Variants in BCL2 observed in about 807,000 individuals in gnomAD.
The protein encoded by BCL2 is apoptosis regulator Bcl-2.
A neutral mutation model predicts 14.2 loss-of-function variants in BCL2; 1 was observed. The observed-to-expected ratio is 0.07, with a 90% confidence interval of 0.02 to 0.33. The LOEUF (loss-of-function observed/expected upper bound fraction) is 0.33, where lower values mean the gene tolerates loss of function less well. Among genes scored for constraint, BCL2 ranks in the 10% least tolerant of loss-of-function variants. The pLI is 0.99. For synonymous variants in BCL2, 151 were observed against 137.2 expected (o/e 1.10, Z -0.70); for missense variants, 247 against 305.9 (o/e 0.81, Z 1.44).
In BCL2 at chr18:63,172,785, AC is replaced by A. The variant is rs1178451376; in HGVS notation, c.586-44027del. Among the ~76,000 whole-genome samples, 2 of 152,186 alleles carry A rather than the reference AC, an allele frequency of 1.3e-5. 1 individual carries two copies. The highest frequency in any genetic ancestry group is 1.3e-4 in the Admixed American group (2 of 15,286). ...GACAGAGGAAGACTGTGTCTCAAAA[AC>A]AAAAAACAAAAAACAAAAACAGTGA... is the stretch of plus-strand genomic sequence containing the variant. On this transcript the variant is annotated intron_variant, in intron 2 of 2. Coordinates refer to ENST00000333681, the MANE Select transcript of BCL2 (RefSeq NM_000633.3).
chr18:63,170,250 A>C (rs144310376), intron 2 of BCL2, among the ~76,000 whole-genome samples: 1 of 152,244 alleles, frequency 6.6e-6, no homozygotes, highest in Non-Finnish European at 1.5e-5. Flanking sequence ...GGTAAGTGTG[A>C]GCTCTCATAC....
intron 2 of BCL2, among the ~76,000 whole-genome samples, chr18:63,277,763 C>T (rs1285153498): frequency 2.0e-5 from 3 of 152,062 alleles, no homozygotes; most frequent in Admixed American, 2.0e-4. Context: ...CTCATGCCCA[C>T]CCTTTGCTAG....
chr18:63,250,141 G>A (rs1911269089), intron 2 of BCL2, among the ~76,000 whole-genome samples: 1 of 152,142 alleles, frequency 6.6e-6, no homozygotes, highest in Admixed American at 6.5e-5. Context: ...CGACAAGGAG[G>A]CCCTCAATAA....
intron 2 of BCL2, among the ~76,000 whole-genome samples, chr18:63,289,947 T>A (rs1912599421): frequency 6.6e-6 from 1 of 152,016 alleles, no homozygotes; most frequent in Non-Finnish European, 1.5e-5. Flanking sequence ...AAGTATAAGA[T>A]AAACTGGAGT....
At chr18:63,317,733 A>T in intron 2 of BCL2, 1 of 1,129,530 alleles carries the variant, frequency 8.9e-7, no homozygotes, top group East Asian at 4.7e-5. Flanking sequence ...GGTTCCAACA[A>T]GCTGCTCAAG....
chr18:63,293,380 A>T (rs1369418398), intron 2 of BCL2, among the ~76,000 whole-genome samples: 3 of 152,240 alleles, frequency 2.0e-5, no homozygotes, highest in East Asian at 3.8e-4. Flanking sequence ...AATTTTCAGC[A>T]TAGGAAAATC....
At chr18:63,265,481 T>C (rs1014205132) in intron 2 of BCL2, among the ~76,000 whole-genome samples, 1 of 152,132 alleles carries the variant, frequency 6.6e-6, no homozygotes, top group African/African-American at 2.4e-5. Flanking sequence ...GTTGGTTTTC[T>C]CAGCGATTAC....
intron 2 of BCL2, among the ~76,000 whole-genome samples, chr18:63,131,723 C>A (rs572154451): frequency 6.6e-6 from 1 of 152,284 alleles, no homozygotes; most frequent in South Asian, 2.1e-4. Context: ...GGTCAGTGGC[C>A]GGGCTCTGAA....
intron 2 of BCL2, among the ~76,000 whole-genome samples, chr18:63,146,390 G>GC (rs1030320841): frequency 2.6e-5 from 4 of 152,242 alleles, no homozygotes; most frequent in East Asian, 1.9e-4. Flanking sequence ...CTGTCCCTGA[G>GC]CCCCCCAAGA....
At chr18:63,245,810 A>C (rs897556123) in intron 2 of BCL2, among the ~76,000 whole-genome samples, 3 of 152,234 alleles carry the variant, frequency 2.0e-5, no homozygotes, top group Admixed American at 2.0e-4. Context: ...CAAGTCTATA[A>C]TTATTGCAAA....
chr18:63,198,623 CAGACACAG>C (rs2144660099), intron 2 of BCL2, among the ~76,000 whole-genome samples: 1 of 150,554 alleles, frequency 6.6e-6, no homozygotes, highest in Non-Finnish European at 1.5e-5. Flanking sequence ...CACTGACACA[CAGACACAG>C]AGACACACAC....
Position 63,132,843 on chromosome 18 carries a change from A to G in BCL2, c.586-4084T>C, listed in dbSNP as rs374405637. 1.2e-4 allele frequency among the ~76,000 whole-genome samples: 18 copies of G among 152,376 alleles called. 1 individual carries two copies. The highest frequency in any genetic ancestry group is 4.3e-4 in the African/African-American group (18 of 41,590). ...GCTCATTTTATGTATTAAAAGCAAC[A>G]AAGAGGGAAAAAGAAAACCTGGGTC... On this transcript the variant is annotated intron_variant, in intron 2 of 2. Transcript: ENST00000333681.
chr18:63,128,458 A>T lies in BCL2; in HGVS notation c.*167T>A. On this transcript the variant is annotated 3_prime_UTR_variant, in exon 3 of 3. Transcript: ENST00000333681. ...TTCGACGTTTTGCCTGAAGACTGTT[A>T]ATTGTTGTGTGTGTGTGTGTCTGTC... The T allele has an allele frequency of 2.1e-6, 1 of 486,150 alleles. No homozygotes were observed. 30.1% of individuals were successfully genotyped at this position (486,150 alleles called of 1,614,324 possible). A position where few individuals can be genotyped will look rare whatever the true frequency, so the allele number is the denominator to read the frequency against.
In BCL2 at chr18:63,169,292, CT is replaced by C. The variant is rs1182638228; in HGVS notation, c.586-40534del. Among the ~76,000 whole-genome samples the C allele has an allele frequency of 1.5e-3, 102 of 69,792 alleles. 6 individuals are homozygous for C. Among genetic ancestry groups the C allele is most frequent in the Middle Eastern group, 6.9e-3 (1 of 144 alleles). 45.8% of individuals were successfully genotyped at this position (69,792 alleles called of 152,430 possible). ...TCTTTCTTTCTTTCTTTCTTTCTTT[CT>C]TTCTTTCTTTCTTTCTTCCTTCCTT... On this transcript the variant is annotated intron_variant, in intron 2 of 2. Coordinates refer to ENST00000333681, the MANE Select transcript of BCL2 (RefSeq NM_000633.3).
intron 2 of BCL2, among the ~76,000 whole-genome samples, chr18:63,287,982 A>G (rs1912523120): frequency 6.6e-6 from 1 of 152,204 alleles, no homozygotes; most frequent in African/African-American, 2.4e-5. Flanking sequence ...GTGGACAGTG[A>G]TATCATTAAG....
rs775404824 is a variant in BCL2, at chr18:63,318,644, C to T, written c.23G>A (p.Gly8Glu). 1.9e-6 allele frequency: 3 copies of T among 1,613,190 alleles called. No homozygotes were observed. The South Asian group carries it at 3.3e-5, about 18-fold the overall frequency. MAHAGRT[G>E]YDNREIVMKY... ...CATCACTATCTCCCGGTTATCGTAC[C>T]CTGTTCTCCCAGCGTGCGCCATCCT... Residue 8 changes from glycine to glutamate, a missense_variant, in exon 2 of 3, where the codon GGG becomes GAG. This residue lies in a region of BCL2 where 144 missense variants were observed against 135.3 expected (regional missense o/e 1.06). Coordinates refer to ENST00000333681, the MANE Select transcript of BCL2 (RefSeq NM_000633.3). This position sits in a 1 kb window ranked among gnomAD's most constrained non-coding sequence, Gnocchi z 7.4.
intron 2 of BCL2, among the ~76,000 whole-genome samples, chr18:63,199,634 GAC>G (rs916744451): frequency 2.0e-5 from 3 of 151,264 alleles, no homozygotes; most frequent in African/African-American, 7.3e-5. Flanking sequence ...CATACACAGA[GAC>G]ACACACATAC....
At chr18:63,202,425 G>A (rs961195746) in intron 2 of BCL2, among the ~76,000 whole-genome samples, 1 of 152,154 alleles carries the variant, frequency 6.6e-6, no homozygotes, top group Non-Finnish European at 1.5e-5. Flanking sequence ...GAACAACTGA[G>A]GCCACTTACC....
chr18:63,168,436 T>TC (rs921396517), intron 2 of BCL2, among the ~76,000 whole-genome samples: 3 of 152,166 alleles, frequency 2.0e-5, no homozygotes, highest in Non-Finnish European at 4.4e-5. Flanking sequence ...CTGGAACTGA[T>TC]CGCCCAGGCC....
Sources: allele counts gnomAD v4.1 joint callset (sites outside exome capture counted in the v4.1 genomes callset), GRCh38; gene constraint gnomAD v4.1.1; regional missense constraint gnomAD v4.1.1; non-coding constraint Gnocchi (gnomAD v3.1); transcripts MANE v1.5; gene names NCBI Gene and HGNC (gene_info 2026-07-23, HGNC 2026-07-21).